MLEC: variants seen among roughly 807,000 people sequenced by gnomAD.
MLEC encodes the protein malectin.
MLEC carries 7 observed loss-of-function variants against 28.7 expected under a neutral mutation model. That is an observed-to-expected ratio of 0.24 (90% CI 0.14 to 0.46). MLEC has a LOEUF of 0.46. Ranked by LOEUF, MLEC falls within the 20% of genes least tolerant of loss-of-function variation. The pLI is 0.99. For missense variants in MLEC, 237 were observed against 391.1 expected (o/e 0.61, Z 3.32); for synonymous variants, 142 against 164.4 (o/e 0.86, Z 1.04).
chr12:120,691,788 GTTTTCT>G (rs939068238), intron 1 of MLEC, among the ~76,000 whole-genome samples: 2 of 152,036 alleles, frequency 1.3e-5, no homozygotes, highest in African/African-American at 2.4e-5. Context: ...ACATGGTTGA[GTTTTCT>G]TCACTGTGGG....
In MLEC at chr12:120,687,181, T is replaced by G; in HGVS notation, c.-116T>G. 3 of 1,157,824 alleles carry G rather than the reference T, an allele frequency of 2.6e-6. No homozygotes were observed. 71.7% of individuals were successfully genotyped at this position (1,157,824 alleles called of 1,614,324 possible). A position where few individuals can be genotyped will look rare whatever the true frequency, so the allele number is the denominator to read the frequency against. On this transcript the variant is annotated 5_prime_UTR_variant, in exon 1 of 5. It removes an upstream start codon present in the reference 5' UTR. Transcript: ENST00000228506. This position sits in a 1 kb window ranked among gnomAD's most constrained non-coding sequence, Gnocchi z 8.1. ...AGAAGAAGGAGGCCTGAGAGCGACA[T>G]GTCCCCGGCGGCTCAGGCGGAGCGG...
In MLEC at chr12:120,696,210, C is replaced by A; in HGVS notation, c.650-106C>A. The A allele has an allele frequency of 7.0e-7, 1 of 1,428,188 alleles. No homozygotes were observed. Among genetic ancestry groups the A allele is most frequent in the Non-Finnish European group, 9.5e-7 (1 of 1,049,562 alleles). The allele number at this position is 1,428,188 out of a possible 1,614,324, so 88.5% of individuals were successfully genotyped here. On this transcript the variant is annotated intron_variant, in intron 4 of 4. Transcript: ENST00000228506. The surrounding 1 kb of genome is among the most constrained non-coding windows in gnomAD (Gnocchi z 5.4). The stretch of plus-strand genomic sequence containing the variant: ...CTACTTCTGGTCTTTTCTCTGGACC[C>A]GGGTTCAATCACAGCAATCTCTTTA...
In MLEC at chr12:120,697,532, G is replaced by A. The variant is rs909288090; in HGVS notation, c.*987G>A. 2.0e-5 allele frequency: 3 copies of A among 152,652 alleles called. No individual in the cohort carries two copies. The highest frequency in any genetic ancestry group is 4.4e-5 in the Non-Finnish European group (3 of 68,064). 9.5% of individuals were successfully genotyped at this position (152,652 alleles called of 1,614,324 possible). ...CCAGCAGTTCTTTACTGGCCCCTTT[G>A]TAGGGCCTTGCTGCCAGGGGGCAGG... On this transcript the variant is annotated 3_prime_UTR_variant, in exon 5 of 5. Transcript: ENST00000228506. The surrounding 1 kb of genome is among the most constrained non-coding windows in gnomAD (Gnocchi z 4.8).
chr12:120,694,883 T>C lies in MLEC; in HGVS notation c.474T>C (p.Arg158=). Residue 158 remains arginine (R), a synonymous_variant, in exon 3 of 5, where the codon CGT becomes CGC. Transcript: ENST00000228506. This position sits in a 1 kb window ranked among gnomAD's most constrained non-coding sequence, Gnocchi z 4.5. ...VVVKDLDIFD[R]VGHSTAHDEI... Reference sequence around the variant, plus strand: ...TGAAGGACTTGGATATCTTTGATCGTGTTGGGCATAGCACAGCTCACGATG... The same window carrying C: ...TGAAGGACTTGGATATCTTTGATCGCGTTGGGCATAGCACAGCTCACGATG... 1 of 1,614,192 alleles carries C rather than the reference T, an allele frequency of 6.2e-7. No individual in the cohort carries two copies. Among genetic ancestry groups the C allele is most frequent in the Non-Finnish European group, 8.5e-7 (1 of 1,180,020 alleles).
rs945283049 is a variant in MLEC, at chr12:120,695,118, C to G, written c.615C>G (p.Val205=). The change falls in exon 4 of 5, where the codon GTC becomes GTG. Residue 205 remains valine (V), a synonymous_variant. Coordinates refer to ENST00000228506, the MANE Select transcript of MLEC (RefSeq NM_014730.4). The part of the protein sequence containing the change: ...FVKGYYDNPK[V]CALYIMAGTV... ...AGGGGTACTATGACAATCCCAAGGT[C>G]TGTGCACTCTACATCATGGCTGGGA... 6.2e-6 allele frequency: 10 copies of G among 1,614,150 alleles called. No homozygotes were observed. Among genetic ancestry groups the G allele is most frequent in the South Asian group, 2.2e-5 (2 of 91,086 alleles).
rs1409251938 is a variant in MLEC at position 120,694,030 on chromosome 12, G to A, written c.236-61G>A. On this transcript the variant is annotated intron_variant, in intron 1 of 4. Transcript: ENST00000228506. The surrounding 1 kb of genome is among the most constrained non-coding windows in gnomAD (Gnocchi z 4.5). ...TGGAAATGCCTCTGGCTGTTCTGGG[G>A]TCTTTGCTTTTCTTTTGTGTCTTGC... 3 of 1,508,462 alleles carry A rather than the reference G, an allele frequency of 2.0e-6. No individual in the cohort carries two copies. Among genetic ancestry groups the A allele is most frequent in the East Asian group, 4.6e-5 (2 of 43,120 alleles). The allele number at this position is 1,508,462 out of a possible 1,614,324, so 93.4% of individuals were successfully genotyped here. A position where few individuals can be genotyped will look rare whatever the true frequency, so the allele number is the denominator to read the frequency against.
In MLEC at chr12:120,687,871, C is replaced by T. The variant is rs2032117804; in HGVS notation, c.235+340C>T. On this transcript the variant is annotated intron_variant, in intron 1 of 4. Transcript: ENST00000228506. The surrounding 1 kb of genome is among the most constrained non-coding windows in gnomAD (Gnocchi z 8.1). ...CTCGCGGGTTGTAGGTCATGGGTGC[C>T]CCTGCTTCTCCTGTCGAGACAGTTC... 6.6e-6 allele frequency among the ~76,000 whole-genome samples: 1 copy of T among 152,156 alleles called. No individual in the cohort carries two copies.
Position 120,687,169 on chromosome 12 carries a change from C to A in MLEC, c.-128C>A. ...TACCCGTGGCTGAGAAGAAGGAGGC[C>A]TGAGAGCGACATGTCCCCGGCGGCT... On this transcript the variant is annotated 5_prime_UTR_variant, in exon 1 of 5. In the 5' UTR this introduces an upstream ATG that the reference lacks. Coordinates refer to ENST00000228506, the MANE Select transcript of MLEC (RefSeq NM_014730.4). This position sits in a 1 kb window ranked among gnomAD's most constrained non-coding sequence, Gnocchi z 8.1. The A allele has an allele frequency of 9.2e-7, 1 of 1,086,950 alleles. No homozygotes were observed. The highest frequency in any genetic ancestry group is 1.2e-6 in the Non-Finnish European group (1 of 847,586). 67.3% of individuals were successfully genotyped at this position (1,086,950 alleles called of 1,614,324 possible). A position where few individuals can be genotyped will look rare whatever the true frequency, so the allele number is the denominator to read the frequency against.
rs772341467 is a variant in MLEC at position 120,687,344 on chromosome 12, A to ACTGCTGCTG, written c.59_67dup (p.Leu20_Leu22dup). ...AGGGAACCGCTGTGGCGCTCCTGCG[A>ACTGCTGCTG]CTGCTGCTGCTGCTGCTGCCGCCGG... On this transcript the variant is annotated inframe_insertion, in exon 1 of 5. Transcript: ENST00000228506. This position sits in a 1 kb window ranked among gnomAD's most constrained non-coding sequence, Gnocchi z 8.1. The ACTGCTGCTG allele has an allele frequency of 1.0e-5, 14 of 1,389,736 alleles. No homozygotes were observed. In the East Asian group the frequency reaches 3.1e-4, roughly 31 times the overall value. The allele number at this position is 1,389,736 out of a possible 1,614,324, so 86.1% of individuals were successfully genotyped here. A position where few individuals can be genotyped will look rare whatever the true frequency, so the allele number is the denominator to read the frequency against.
rs995123696 is a variant in MLEC, at chr12:120,694,014, C to A, written c.236-77C>A. ...GTTATTAGCATTGCCCTGGAAATGC[C>A]TCTGGCTGTTCTGGGGTCTTTGCTT... is the stretch of plus-strand genomic sequence containing the variant. On this transcript the variant is annotated intron_variant, in intron 1 of 4. Transcript: ENST00000228506. The surrounding 1 kb of genome is among the most constrained non-coding windows in gnomAD (Gnocchi z 4.5). 2.6e-5 allele frequency: 37 copies of A among 1,396,566 alleles called. No homozygotes were observed. The highest frequency in any genetic ancestry group is 2.4e-5 in the Non-Finnish European group (25 of 1,026,358). 86.5% of individuals were successfully genotyped at this position (1,396,566 alleles called of 1,614,324 possible).
intron 1 of MLEC, among the ~76,000 whole-genome samples, chr12:120,689,857 A>G (rs1401308844): frequency 1.3e-5 from 2 of 152,202 alleles, no homozygotes; most frequent in Non-Finnish European, 2.9e-5. Context: ...GGTATTTGTT[A>G]CCAAGTTAGT....
chr12:120,698,510 G>A lies in MLEC; in HGVS notation c.*1965G>A, dbSNP rs1592920534. ...AAGGTACTGTAGCCTTGGTCCTGGG[G>A]ACCACCTGCCTGGGGCAGTGGACAT... On this transcript the variant is annotated 3_prime_UTR_variant, in exon 5 of 5. Transcript: ENST00000228506. The A allele has an allele frequency of 6.6e-6, 1 of 152,312 alleles. No individual in the cohort carries two copies. Among genetic ancestry groups the A allele is most frequent in the South Asian group, 2.1e-4 (1 of 4,824 alleles). 9.4% of individuals were successfully genotyped at this position (152,312 alleles called of 1,614,324 possible). A position where few individuals can be genotyped will look rare whatever the true frequency, so the allele number is the denominator to read the frequency against.
Position 120,687,247 on chromosome 12 carries a change from C to G in MLEC, c.-50C>G. On this transcript the variant is annotated 5_prime_UTR_variant, in exon 1 of 5. Coordinates refer to ENST00000228506, the MANE Select transcript of MLEC (RefSeq NM_014730.4). This position sits in a 1 kb window ranked among gnomAD's most constrained non-coding sequence, Gnocchi z 8.1. ...TTCTGAGTCCGGGGTGGCCTGGCAG[C>G]CGGCCGAGGACGAGGGTCGGCGGGG... The G allele has an allele frequency of 7.4e-7, 1 of 1,351,440 alleles. No individual in the cohort carries two copies. Among genetic ancestry groups the G allele is most frequent in the Non-Finnish European group, 9.5e-7 (1 of 1,057,984 alleles). The allele number at this position is 1,351,440 out of a possible 1,614,324, so 83.7% of individuals were successfully genotyped here.
At chr12:120,688,243 A>G (rs1038128841) in intron 1 of MLEC, among the ~76,000 whole-genome samples, 5 of 152,184 alleles carry the variant, frequency 3.3e-5, no homozygotes, top group African/African-American at 4.8e-5. Flanking sequence ...GCTTAGGGGG[A>G]AAATGATTGT....
intron 1 of MLEC, among the ~76,000 whole-genome samples, chr12:120,689,641 T>G (rs1350634396): frequency 6.6e-6 from 1 of 152,234 alleles, no homozygotes; most frequent in Non-Finnish European, 1.5e-5. Context: ...AAGGAGTCAG[T>G]CCTACCAAGG....
At chr12:120,688,975 A>G (rs1881934020) in intron 1 of MLEC, among the ~76,000 whole-genome samples, 1 of 152,220 alleles carries the variant, frequency 6.6e-6, no homozygotes, top group South Asian at 2.1e-4. Flanking sequence ...CAGGGAGGAA[A>G]GAGCCCTTGA....
At position 120,694,734 on chromosome 12, in the gene MLEC, T is replaced by G. The variant is rs1882162929; in HGVS notation, c.415-90T>G. ...ATCATTTCTTAAATTATTTTTGAAC[T>G]TCAAGCCCAAACACGTGCATGATGT... On this transcript the variant is annotated intron_variant, in intron 2 of 4. Coordinates refer to ENST00000228506, the MANE Select transcript of MLEC (RefSeq NM_014730.4). The surrounding 1 kb of genome is among the most constrained non-coding windows in gnomAD (Gnocchi z 4.5). The G allele has an allele frequency of 1.5e-6, 2 of 1,299,254 alleles. No individual in the cohort carries two copies. Among genetic ancestry groups the G allele is most frequent in the Non-Finnish European group, 2.1e-6 (2 of 933,266 alleles). 80.5% of individuals were successfully genotyped at this position (1,299,254 alleles called of 1,614,324 possible). A position where few individuals can be genotyped will look rare whatever the true frequency, so the allele number is the denominator to read the frequency against.
chr12:120,690,987 T>C (rs559608285), intron 1 of MLEC, among the ~76,000 whole-genome samples: 1 of 152,312 alleles, frequency 6.6e-6, no homozygotes, highest in South Asian at 2.1e-4. Flanking sequence ...GGTACTGGCC[T>C]CACTGGAGAA....
In MLEC at chr12:120,698,394, G is replaced by A. The variant is rs1401388110; in HGVS notation, c.*1849G>A. On this transcript the variant is annotated 3_prime_UTR_variant, in exon 5 of 5. Coordinates refer to ENST00000228506, the MANE Select transcript of MLEC (RefSeq NM_014730.4). Reference sequence around the variant, plus strand: ...ACTTGGGTCTCAGTGCTAGGGTATTGAGTCAGGCAGCTGGAGGGTTGTGGC... The same window carrying A: ...ACTTGGGTCTCAGTGCTAGGGTATTAAGTCAGGCAGCTGGAGGGTTGTGGC... 2 of 152,216 alleles carry A rather than the reference G, an allele frequency of 1.3e-5. No homozygotes were observed. 9.4% of individuals were successfully genotyped at this position (152,216 alleles called of 1,614,324 possible). A position where few individuals can be genotyped will look rare whatever the true frequency, so the allele number is the denominator to read the frequency against.
Sources: allele counts gnomAD v4.1 joint callset (sites outside exome capture counted in the v4.1 genomes callset), GRCh38; gene constraint gnomAD v4.1.1; non-coding constraint Gnocchi (gnomAD v3.1); transcripts MANE v1.5; gene names NCBI Gene and HGNC (gene_info 2026-07-23, HGNC 2026-07-21).